The following CSMD1 variants were observed in gnomAD, a reference collection of about 807,000 sequenced individuals.
CSMD1 encodes the protein CUB and Sushi multiple domains 1, also known as CUB and sushi domain-containing protein 1.
A neutral mutation model predicts 417.5 loss-of-function variants in CSMD1; 213 were observed. The observed-to-expected ratio is 0.51, with a 90% CI of 0.46 to 0.57. The LOEUF (loss-of-function observed/expected upper bound fraction) is 0.57. CSMD1 is among the 20% of genes least tolerant of loss of function. The probability of loss-of-function intolerance (pLI) is 0.00; values close to 1 mark genes in which losing one functional copy is unlikely to be tolerated. For synonymous variants in CSMD1, 2,862 were observed against 1,736.8 expected (o/e 1.65, Z -16.11); for missense variants, 6,923 against 4,529.7 (o/e 1.53, Z -15.17).
At chr8:3,271,662 G>A (rs1801865336) in intron 26 of CSMD1, among the ~76,000 whole-genome samples, 2 of 152,270 alleles carry the variant, frequency 1.3e-5, no homozygotes, top group South Asian at 2.1e-4. Flanking sequence ...TTTTCAATTT[G>A]CATTTCTCTG....
chr8:4,576,194 T>G (rs2725059), intron 2 of CSMD1, among the ~76,000 whole-genome samples: 24,043 of 152,228 alleles, frequency 0.16, 1,945 homozygotes, highest in Middle Eastern at 0.21. Context: ...ATCAGCTCTG[T>G]AGGCTACACT....
intron 3 of CSMD1, among the ~76,000 whole-genome samples, chr8:4,116,202 C>T (rs1455789677): frequency 6.6e-6 from 1 of 151,868 alleles, no homozygotes; most frequent in African/African-American, 2.4e-5. Flanking sequence ...CCATGTTGGC[C>T]AGGCTGGTCC....
At chr8:4,799,683 G>C (rs1412968098) in intron 1 of CSMD1, among the ~76,000 whole-genome samples, 3 of 145,534 alleles carry the variant, frequency 2.1e-5, no homozygotes, top group Non-Finnish European at 4.5e-5. Flanking sequence ...TATTTTCACT[G>C]CTTTGGAGAT....
chr8:4,159,854 C>A (rs1326039542), intron 3 of CSMD1, among the ~76,000 whole-genome samples: 1 of 152,026 alleles, frequency 6.6e-6, no homozygotes, highest in African/African-American at 2.4e-5. Context: ...AAACTAAAGA[C>A]CGTATGTTCT....
At chr8:4,057,196 T>C (rs896342416) in intron 3 of CSMD1, among the ~76,000 whole-genome samples, 6 of 152,268 alleles carry the variant, frequency 3.9e-5, no homozygotes, top group African/African-American at 1.4e-4. Flanking sequence ...CAGCACCTGT[T>C]GTTTCCTGAC....
intron 1 of CSMD1, among the ~76,000 whole-genome samples, chr8:4,908,124 G>A (rs779727721): frequency 1.3e-5 from 2 of 152,216 alleles, no homozygotes; most frequent in South Asian, 4.2e-4. Flanking sequence ...GTATAATTTT[G>A]CTGGGTACAG....
chr8:3,411,771 T>TACAC (rs1296454456), intron 12 of CSMD1, among the ~76,000 whole-genome samples: 2 of 123,370 alleles, frequency 1.6e-5, no homozygotes, highest in Admixed American at 8.2e-5. Flanking sequence ...TGTATATACG[T>TACAC]GTGTATATAC....
chr8:4,509,286 G>C lies in CSMD1; in HGVS notation c.303-89221C>G, dbSNP rs563654451. On this transcript the variant is annotated intron_variant, in intron 2 of 69. Transcript: ENST00000635120. ...CATATTTTCTTTTATAAGTAAATGA[G>C]TCAGGAGATTGGAAGATGTTTCCTC... 5.3e-5 allele frequency among the ~76,000 whole-genome samples: 8 copies of C among 152,128 alleles called. No individual in the cohort carries two copies. In the East Asian group the frequency reaches 1.5e-3, roughly 29 times the overall value.
intron 2 of CSMD1, among the ~76,000 whole-genome samples, chr8:4,611,571 T>C (rs1322554968): frequency 6.6e-6 from 1 of 152,210 alleles, no homozygotes; most frequent in Non-Finnish European, 1.5e-5. Flanking sequence ...CAGAAGTGTT[T>C]ACACTTCCCC....
intron 1 of CSMD1, among the ~76,000 whole-genome samples, chr8:4,696,252 A>G (rs1387284988): frequency 1.3e-5 from 2 of 152,236 alleles, no homozygotes; most frequent in African/African-American, 2.4e-5. Flanking sequence ...TACACATAAG[A>G]ATTCAATAGT....
chr8:4,263,321 C>T (rs1804013616), intron 3 of CSMD1, among the ~76,000 whole-genome samples: 1 of 152,118 alleles, frequency 6.6e-6, no homozygotes, highest in Non-Finnish European at 1.5e-5. Context: ...CAAAAGGGGC[C>T]TCTGTGACTT....
intron 54 of CSMD1, among the ~76,000 whole-genome samples, chr8:2,995,715 G>A (rs1183595873): frequency 6.6e-6 from 1 of 152,024 alleles, no homozygotes; most frequent in Non-Finnish European, 1.5e-5. Context: ...TACTCCACAG[G>A]AAAAAGGGAC....
At chr8:4,463,552 T>A (rs923654277) in intron 2 of CSMD1, among the ~76,000 whole-genome samples, 3 of 152,152 alleles carry the variant, frequency 2.0e-5, no homozygotes, top group African/African-American at 7.2e-5. Context: ...ATATCCATCA[T>A]ATTAAATAGG....
At chr8:4,051,466 G>A (rs999529690) in intron 3 of CSMD1, among the ~76,000 whole-genome samples, 8 of 152,098 alleles carry the variant, frequency 5.3e-5, no homozygotes, top group Non-Finnish European at 1.0e-4. Flanking sequence ...CGCCCTACAC[G>A]TATAAATTGA....
rs560864522 is a variant in CSMD1 at position 4,937,188 on chromosome 8, G to C, written c.85+57144C>G. 1.3e-3 allele frequency among the ~76,000 whole-genome samples: 193 copies of C among 152,082 alleles called. No homozygotes were observed. The Middle Eastern group carries it at 0.014, about 11-fold the overall frequency. ...TGATCCTGAGACTGCATTACAGCCT[G>C]AGCAACAGAGCCAGGCCCTGTCTCA... On this transcript the variant is annotated intron_variant, in intron 1 of 69. Transcript: ENST00000635120.
intron 3 of CSMD1, among the ~76,000 whole-genome samples, chr8:4,119,052 G>T (rs533882519): frequency 2.0e-5 from 3 of 152,012 alleles, no homozygotes; most frequent in Non-Finnish European, 2.9e-5. Context: ...GAGAACACAC[G>T]GACACAGGGA....
chr8:3,022,488 T>C (rs1392940302), intron 51 of CSMD1, among the ~76,000 whole-genome samples: 1 of 152,250 alleles, frequency 6.6e-6, no homozygotes, highest in African/African-American at 2.4e-5. Flanking sequence ...GGAAAGTCTC[T>C]TTTTTGTCTC....
intron 2 of CSMD1, among the ~76,000 whole-genome samples, chr8:4,427,611 T>C (rs1279797508): frequency 6.6e-6 from 1 of 152,092 alleles, no homozygotes; most frequent in Admixed American, 6.6e-5. Flanking sequence ...GAAGTAAAAA[T>C]TATTGTAAAT....
At chr8:4,249,540 T>G (rs921660455) in intron 3 of CSMD1, among the ~76,000 whole-genome samples, 1 of 152,204 alleles carries the variant, frequency 6.6e-6, no homozygotes, top group African/African-American at 2.4e-5. Context: ...ACTGTGACTC[T>G]CAGGGAGACC....
Sources: gnomAD v4.1 joint callset for allele counts (sites outside exome capture counted in the v4.1 genomes callset) on GRCh38, gnomAD v4.1.1 for gene constraint, MANE v1.5 for transcripts, NCBI Gene and HGNC (gene_info 2026-07-23, HGNC 2026-07-21) for gene names.